Variants in ZNF414 observed in about 807,000 individuals in gnomAD.
ZNF414 encodes zinc finger protein 414.
A neutral mutation model predicts 38.3 loss-of-function variants in ZNF414; 32 were observed. That is an observed-to-expected ratio of 0.83 (90% CI 0.63 to 1.12). ZNF414 has a LOEUF of 1.12. Ranked by LOEUF, ZNF414 falls within the 50% of genes most tolerant of loss-of-function variation. The pLI, the probability that ZNF414 is intolerant of heterozygous loss-of-function variation, is 0.00. For missense variants in ZNF414, 589 were observed against 557.4 expected, an observed-to-expected ratio of 1.06 and a Z score of -0.57; for synonymous variants, 256 against 248.0, an observed-to-expected ratio of 1.03 and a Z score of -0.30.
chr19:8,512,536 G>T (rs1971933219), intron 3 of ZNF414, 44 bp from the exon 4 acceptor site: 3 of 1,612,326 alleles, frequency 1.9e-6, no homozygotes, highest in Non-Finnish European at 8.5e-7. Context: ...GGTGGCCAAG[G>T]CTGGCTCCGA....
In ZNF414 at chr19:8,510,852, C is replaced by G. The variant is rs771862712; in HGVS notation, c.1098G>C (p.Ala366=). 4.2e-6 allele frequency: 5 copies of G among 1,204,260 alleles called. No individual in the cohort carries two copies. Among genetic ancestry groups the G allele is most frequent in the Non-Finnish European group, 5.3e-6 (5 of 951,006 alleles). 74.6% of individuals were successfully genotyped at this position (1,204,260 alleles called of 1,614,324 possible). ...AAGPPRPDAP[A]DPAPLAPKVS... is the part of the protein sequence containing the mutation. ...CACCCGCGCATTCCTCGGCCTTACC[C>G]GCGGGGGCGTCGGGGCGCGGCGGCC... Residue 366 remains alanine (A), a splice_region_variant and synonymous_variant, in exon 7 of 8, where the codon GCG becomes GCC. Coordinates refer to ENST00000393927, the MANE Select transcript of ZNF414 (RefSeq NM_001146175.2).
At chr19:8,512,310 A>G (rs1971929236) in intron 4 of ZNF414, 77 bp downstream of exon 4, 1 of 1,561,042 alleles carries the variant, frequency 6.4e-7, no homozygotes, top group South Asian at 1.1e-5. Context: ...CACCCTGACC[A>G]GGAAGGGAGG....
At chr19:8,511,402 T>G in intron 6 of ZNF414, 84 bp downstream of exon 6, 1 of 1,550,792 alleles carries the variant, frequency 6.4e-7, no homozygotes, top group Non-Finnish European at 8.7e-7. Context: ...GGATGAGCAC[T>G]GCTGCCTCCT....
chr19:8,511,839 G>C lies in ZNF414; in HGVS notation c.652C>G (p.Pro218Ala). ...PPPPALDREP[P>A]APERPPEVDP... Reference sequence around the variant, plus strand: ...ACCTCCGGGGGGCGCTCCGGCGCGGGCGGCTCTCGGTCCAGGGCCGGGGGT... The same window carrying C: ...ACCTCCGGGGGGCGCTCCGGCGCGGCCGGCTCTCGGTCCAGGGCCGGGGGT... The change falls in exon 5 of 8, where the codon CCC becomes GCC. Residue 218 changes from proline to alanine, a missense_variant. By Grantham distance (27) the Pro-to-Ala change is conservative. Coordinates refer to ENST00000393927, the MANE Select transcript of ZNF414 (RefSeq NM_001146175.2). 1 of 1,401,136 alleles carries C rather than the reference G, an allele frequency of 7.1e-7. No individual in the cohort carries two copies. The allele number at this position is 1,401,136 out of a possible 1,614,324, so 86.8% of individuals were successfully genotyped here.
At position 8,512,086 on chromosome 19, in the gene ZNF414, T is replaced by C. The variant is rs369226220; in HGVS notation, c.531-126A>G. ...TGGGCACTAATCACCTCCCCGCTCC[T>C]GTACAACTGTGGCAGCGACCCTTCC... On this transcript the variant is annotated intron_variant, in intron 4 of 7. Transcript: ENST00000393927. 3.1e-5 allele frequency: 44 copies of C among 1,413,086 alleles called. 3 individuals are homozygous for C. The highest frequency in any genetic ancestry group is 9.1e-5 in the Admixed American group (3 of 32,888). The allele number at this position is 1,413,086 out of a possible 1,614,324, so 87.5% of individuals were successfully genotyped here.
Position 8,511,168 on chromosome 19 carries a change from G to C in ZNF414, c.926-144C>G, listed in dbSNP as rs1442886951. 2 of 1,301,348 alleles carry C rather than the reference G, an allele frequency of 1.5e-6. 1 individual carries two copies. The highest frequency in any genetic ancestry group is 3.1e-5 in the African/African-American group (2 of 64,612). 80.6% of individuals were successfully genotyped at this position (1,301,348 alleles called of 1,614,324 possible). ...CGGGCGCCTAGTTCAGTTTCTCCCG[G>C]GTCTGTCTGCCCCTAGAGTTGGGGG... On this transcript the variant is annotated intron_variant, in intron 6 of 7. Transcript: ENST00000393927.
Position 8,514,135 on chromosome 19 carries a change from C to G in ZNF414, c.-89G>C. 2 of 1,360,938 alleles carry G rather than the reference C, an allele frequency of 1.5e-6. No individual in the cohort carries two copies. Among genetic ancestry groups the G allele is most frequent in the Non-Finnish European group, 9.5e-7 (1 of 1,052,646 alleles). The allele number at this position is 1,360,938 out of a possible 1,614,324, so 84.3% of individuals were successfully genotyped here. On this transcript the variant is annotated 5_prime_UTR_variant, in exon 1 of 8. The change abolishes the stop of an existing upstream ORF in the 5' untranslated region. Transcript: ENST00000393927. ...CCTCTGGGCAGTGCGAGTTCGCGCTCACGTCAGCGCCATTTTCCACCTCTC... is the reference window on the plus strand; with the variant it reads ...CCTCTGGGCAGTGCGAGTTCGCGCTGACGTCAGCGCCATTTTCCACCTCTC...
intron 1 of ZNF414, among the ~76,000 whole-genome samples, chr19:8,513,830 C>T (rs1971952701): frequency 6.6e-6 from 1 of 152,160 alleles, no homozygotes; most frequent in Non-Finnish European, 1.5e-5. Flanking sequence ...GCTGGGGGCC[C>T]GGATGTAAGA....
Sources: allele counts gnomAD v4.1 joint callset (sites outside exome capture counted in the v4.1 genomes callset), GRCh38; gene constraint gnomAD v4.1.1; transcripts MANE v1.5; gene names NCBI Gene and HGNC (gene_info 2026-07-23, HGNC 2026-07-21).